ANKRD34B: variants seen among roughly 807,000 people sequenced by gnomAD.
The protein encoded by ANKRD34B is ankyrin repeat domain 34B.
In ANKRD34B, 2 loss-of-function variants were observed where a neutral mutation model predicts 4.4. The ratio of observed to expected loss-of-function variants is 0.46; its 90% CI spans 0.19 to 1.44. ANKRD34B has a LOEUF of 1.44. ANKRD34B is among the 40% of genes most tolerant of loss of function. ANKRD34B has a pLI of 0.26. For synonymous variants in ANKRD34B, 226 were observed against 227.1 expected (o/e 0.99, Z 0.05); for missense variants, 558 against 604.7 (o/e 0.92, Z 0.81).
At position 80,558,809 on chromosome 5, in the gene ANKRD34B, A is replaced by T. The variant is rs969277090; in HGVS notation, c.1211T>A (p.Leu404Ter). ...KKILSPSPSQLSESKELLENI... is the reference protein window; with the variant it reads ...KKILSPSPSQ ...CTCCAACAATTCTTTGGACTCTGAC[A>T]ATTGGGAAGGAGATGGTGAGAGGAT... Residue 404 changes from leucine to a stop codon, truncating the protein, a stop_gained, in exon 5 of 5, where the codon TTG becomes TAG. Transcript: ENST00000338682. LOFTEE classifies it low-confidence loss of function (END_TRUNC). 6.2e-7 allele frequency: 1 copy of T among 1,614,002 alleles called. No homozygotes were observed. The highest frequency in any genetic ancestry group is 1.3e-5 in the African/African-American group (1 of 74,902).
chr5:80,560,541 G>A (rs1746384343), intron 4 of ANKRD34B, among the ~76,000 whole-genome samples: 1 of 151,976 alleles, frequency 6.6e-6, no homozygotes, highest in South Asian at 2.1e-4. Flanking sequence ...GTGACCTGTA[G>A]TTCCAGCTAC....
chr5:80,561,610 G>A (rs1343531593), intron 4 of ANKRD34B, among the ~76,000 whole-genome samples: 2 of 152,102 alleles, frequency 1.3e-5, no homozygotes, highest in African/African-American at 4.8e-5. Flanking sequence ...CAGTCTTTTG[G>A]GAGAGATACT....
Position 80,557,497 on chromosome 5 carries a change from G to A in ANKRD34B, c.*978C>T, listed in dbSNP as rs1229915807. ...TTTAGCTAACCTAATCTAATCATCA[G>A]TTTTTCTTTTTAAAAGAAGGCAAGC... On this transcript the variant is annotated 3_prime_UTR_variant, in exon 5 of 5. Transcript: ENST00000338682. 2 of 150,782 alleles carry A rather than the reference G, an allele frequency of 1.3e-5. No homozygotes were observed. The highest frequency in any genetic ancestry group is 4.9e-5 in the African/African-American group (2 of 41,074). The allele number at this position is 150,782 out of a possible 1,614,324, so 9.3% of individuals were successfully genotyped here.
rs1185651629 is a variant in ANKRD34B, at chr5:80,558,115, A to T, written c.*360T>A. 2 of 157,756 alleles carry T rather than the reference A, an allele frequency of 1.3e-5. No individual in the cohort carries two copies. Among genetic ancestry groups the T allele is most frequent in the Admixed American group, 1.3e-4 (2 of 15,906 alleles). The allele number at this position is 157,756 out of a possible 1,614,324, so 9.8% of individuals were successfully genotyped here. ...TGTTAAAAAAATTATTGACTTGAAA[A>T]CTGTTTCCTAATAAAATATTTAGCC... is the stretch of plus-strand genomic sequence containing the variant. On this transcript the variant is annotated 3_prime_UTR_variant, in exon 5 of 5. Coordinates refer to ENST00000338682, the MANE Select transcript of ANKRD34B (RefSeq NM_001004441.3).
chr5:80,567,656 G>GAAAAAAAAAAT (rs1412184115), intron 2 of ANKRD34B, among the ~76,000 whole-genome samples: 1 of 106,790 alleles, frequency 9.4e-6, no homozygotes, highest in Non-Finnish European at 2.1e-5. Flanking sequence ...AGAAAAGAAG[G>GAAAAAAAAAAT]AAAAGTTATT....
chr5:80,560,727 G>C (rs554404784), intron 4 of ANKRD34B, among the ~76,000 whole-genome samples: 1 of 152,246 alleles, frequency 6.6e-6, no homozygotes, highest in East Asian at 1.9e-4. Context: ...AAATTCTGTT[G>C]TCATTGCAAC....
chr5:80,559,234 A>G lies in ANKRD34B; in HGVS notation c.786T>C (p.Ala262=), dbSNP rs145603067. The part of the protein sequence containing the change: ...PPLLMHQNRV[A]SLQEELQDIT... ...TATCCTGGAGCTCCTCTTGCAATGAAGCCACTCTGTTCTGGTGCATTAATA... is the reference window on the plus strand; with the variant it reads ...TATCCTGGAGCTCCTCTTGCAATGAGGCCACTCTGTTCTGGTGCATTAATA... Residue 262 remains alanine (A), a synonymous_variant, in exon 5 of 5, where the codon GCT becomes GCC. Coordinates refer to ENST00000338682, the MANE Select transcript of ANKRD34B (RefSeq NM_001004441.3). 4.8e-4 allele frequency: 781 copies of G among 1,614,100 alleles called. 4 individuals are homozygous for G. The African/African-American group carries it at 8.8e-3, about 18-fold the overall frequency.
chr5:80,558,566 G>A lies in ANKRD34B; in HGVS notation c.1454C>T (p.Pro485Leu), dbSNP rs567016350. 9 of 1,614,036 alleles carry A rather than the reference G, an allele frequency of 5.6e-6. No homozygotes were observed. Among genetic ancestry groups the A allele is most frequent in the East Asian group, 4.5e-5 (2 of 44,884 alleles). ...CGQKVLMPTVPIFPKEFKSKK... is the reference protein window; with the variant it reads ...CGQKVLMPTVLIFPKEFKSKK... ...ACTTTTGAATTCTTTAGGGAAAATC[G>A]GAACTGTTGGCATAAGCACTTTTTG... The change falls in exon 5 of 5, where the codon CCG (proline) becomes CTG (leucine). Residue 485 changes from proline to leucine, a missense_variant. By Grantham distance (98) the Pro-to-Leu change is moderately conservative. Transcript: ENST00000338682.
intron 4 of ANKRD34B, among the ~76,000 whole-genome samples, chr5:80,560,818 C>G (rs574100288): frequency 6.6e-6 from 1 of 152,214 alleles, no homozygotes; most frequent in Non-Finnish European, 1.5e-5. Context: ...TTAAGTAATG[C>G]AAGTGATATC....
rs752116185 is a variant in ANKRD34B at position 80,559,891 on chromosome 5, C to G, written c.129G>C (p.Gly43=). 6.2e-7 allele frequency: 1 copy of G among 1,614,204 alleles called. No individual in the cohort carries two copies. The highest frequency in any genetic ancestry group is 1.6e-4 in the Middle Eastern group (1 of 6,062). The change falls in exon 5 of 5, where the codon GGG becomes GGC. Residue 43 remains glycine (G), a synonymous_variant. Coordinates refer to ENST00000338682, the MANE Select transcript of ANKRD34B (RefSeq NM_001004441.3). ...TACAAGCGATCATTAAAGGGGTTTC[C>G]CCACGGTCGTTGCTCTCATTAATGT... ...GAYINESNDR[G]ETPLMIACKT...
Position 80,568,950 on chromosome 5 carries a change from A to C in ANKRD34B, c.-191+10T>G, listed in dbSNP as rs927049381. The stretch of plus-strand genomic sequence containing the variant: ...CAGAGAGAGAGAGAGAGAGAGAGAG[A>C]GAGGCCAACCTAGTCCTCCAAGTCT... On this transcript the variant is annotated intron_variant, in intron 2 of 4. Coordinates refer to ENST00000338682, the MANE Select transcript of ANKRD34B (RefSeq NM_001004441.3). 1.3e-5 allele frequency: 2 copies of C among 150,322 alleles called. No homozygotes were observed. Among genetic ancestry groups the C allele is most frequent in the African/African-American group, 2.5e-5 (1 of 40,718 alleles). The allele number at this position is 150,322 out of a possible 1,614,324, so 9.3% of individuals were successfully genotyped here.
intron 4 of ANKRD34B, among the ~76,000 whole-genome samples, chr5:80,560,667 A>C (rs895359974): frequency 1.3e-5 from 2 of 152,128 alleles, no homozygotes; most frequent in Non-Finnish European, 2.9e-5. Context: ...TCTCTAAAAA[A>C]AATTAATTAA....
At chr5:80,567,621 C>CAAAAAAA (rs111603222) in intron 2 of ANKRD34B, among the ~76,000 whole-genome samples, 808 of 50,154 alleles carry the variant, frequency 0.016, 10 homozygotes, top group Non-Finnish European at 0.021. Context: ...GACTCCGTCT[C>CAAAAAAA]AAAAAAAAAA....
At position 80,559,162 on chromosome 5, in the gene ANKRD34B, A is replaced by G. The variant is rs1212046011; in HGVS notation, c.858T>C (p.Leu286=). 1 of 1,614,196 alleles carries G rather than the reference A, an allele frequency of 6.2e-7. No homozygotes were observed. The highest frequency in any genetic ancestry group is 2.2e-5 in the East Asian group (1 of 44,888). ...GGTGCCTAGTGATGAACCGCTTGGAAAGTGCCAGCCCATTGGTTTTATAGG... is the reference window on the plus strand; with the variant it reads ...GGTGCCTAGTGATGAACCGCTTGGAGAGTGCCAGCCCATTGGTTTTATAGG... ...ELSYKTNGLA[L]SKRFITRHQS... is the part of the protein sequence containing the mutation. Residue 286 remains leucine, a synonymous_variant, in exon 5 of 5, where the codon CTT becomes CTC. Coordinates refer to ENST00000338682, the MANE Select transcript of ANKRD34B (RefSeq NM_001004441.3).
At chr5:80,569,885 C>G (rs1746704818) in intron 1 of ANKRD34B, among the ~76,000 whole-genome samples, 1 of 152,174 alleles carries the variant, frequency 6.6e-6, no homozygotes, top group South Asian at 2.1e-4. Context: ...GAGCGCGCCC[C>G]GGGGTGGCGG....
At chr5:80,562,052 C>CGTGTGTGTGTGTGTGTGT (rs56934964) in intron 4 of ANKRD34B, among the ~76,000 whole-genome samples, 15 of 128,256 alleles carry the variant, frequency 1.2e-4, no homozygotes, top group Middle Eastern at 3.4e-3. Context: ...ACTGACTCAG[C>CGTGTGTGTGTGTGTGTGT]GTGTGTGTGT....
In ANKRD34B at chr5:80,559,377, C is replaced by T. The variant is rs1433411430; in HGVS notation, c.643G>A (p.Glu215Lys). The T allele has an allele frequency of 1.9e-6, 3 of 1,614,144 alleles. No individual in the cohort carries two copies. The highest frequency in any genetic ancestry group is 2.5e-6 in the Non-Finnish European group (3 of 1,180,030). The stretch of plus-strand genomic sequence containing the variant: ...GTATCATCATTGCTTCCAGCAAGCT[C>T]AAGATCTTTAAAGCCAAAAAGCGTC... ...ELTLFGFKDL[E>K]LAGSNDDTWD... The change falls in exon 5 of 5, where the codon GAG becomes AAG. Residue 215 changes from glutamate (E) to lysine (K), a missense_variant. Glu to Lys is a moderately conservative substitution (Grantham distance 56). Coordinates refer to ENST00000338682, the MANE Select transcript of ANKRD34B (RefSeq NM_001004441.3).
chr5:80,560,537 T>C (rs900490280), intron 4 of ANKRD34B, among the ~76,000 whole-genome samples: 6 of 152,094 alleles, frequency 3.9e-5, no homozygotes, highest in African/African-American at 7.2e-5. Flanking sequence ...TGGTGTGACC[T>C]GTAGTTCCAG....
chr5:80,564,702 C>CTTTTTT lies in ANKRD34B; in HGVS notation c.-104-893_-104-888dup, dbSNP rs34992073. Among the ~76,000 whole-genome samples the CTTTTTT allele has an allele frequency of 4.3e-4, 48 of 111,512 alleles. 1 individual carries two copies. Among genetic ancestry groups the CTTTTTT allele is most frequent in the South Asian group, 8.8e-4 (3 of 3,410 alleles). The allele number at this position is 111,512 out of a possible 152,430, so 73.2% of individuals were successfully genotyped here. A position where few individuals can be genotyped will look rare whatever the true frequency, so the allele number is the denominator to read the frequency against. ...TTAAAGCCACTTTGTTTGCTCACTT[C>CTTTTTT]TTTTTTTTTTTTTTTTTTTTGAGAT... On this transcript the variant is annotated intron_variant, in intron 3 of 4. Coordinates refer to ENST00000338682, the MANE Select transcript of ANKRD34B (RefSeq NM_001004441.3).
Sources: gnomAD v4.1 joint callset for allele counts (sites outside exome capture counted in the v4.1 genomes callset) on GRCh38, gnomAD v4.1.1 for gene constraint, MANE v1.5 for transcripts, NCBI Gene and HGNC (gene_info 2026-07-23, HGNC 2026-07-21) for gene names.